The following PCDHGB3 variants were observed in gnomAD, a reference collection of about 807,000 sequenced individuals.
PCDHGB3 encodes protocadherin gamma subfamily B, 3, also known as protocadherin gamma-B3.
PCDHGB3 carries 40 observed loss-of-function variants against 59.2 expected under a neutral mutation model. The ratio of observed to expected loss-of-function variants is 0.68; its 90% CI spans 0.52 to 0.88. PCDHGB3 has a LOEUF of 0.88. Ranked by LOEUF, PCDHGB3 falls within the 40% of genes least tolerant of loss-of-function variation. The pLI is 0.00. For synonymous variants in PCDHGB3, 581 were observed against 503.6 expected, an observed-to-expected ratio of 1.15 and a Z score of -2.06; for missense variants, 1,309 against 1,187.9, an observed-to-expected ratio of 1.10 and a Z score of -1.50.
intron 1 of PCDHGB3, among the ~76,000 whole-genome samples, chr5:141,466,909 ACTC>A (rs1249720055): frequency 6.6e-6 from 1 of 151,110 alleles, no homozygotes; most frequent in Non-Finnish European, 1.5e-5. Flanking sequence ...GTTTTTGAAA[ACTC>A]CTTGTATTAG....
At position 141,486,038 on chromosome 5, in the gene PCDHGB3, G is replaced by T; in HGVS notation, c.2416-8769G>T. The stretch of plus-strand genomic sequence containing the variant: ...TTTCAGTGGTCATACCCCTGATCGT[G>T]TAAGAAACCTCTTTAGCCTGCACCC... On this transcript the variant is annotated intron_variant, in intron 1 of 3. Coordinates refer to ENST00000576222, the MANE Select transcript of PCDHGB3 (RefSeq NM_018924.5). This position sits in a 1 kb window ranked among gnomAD's most constrained non-coding sequence, Gnocchi z 5.0. The T allele has an allele frequency of 3.1e-6, 5 of 1,614,184 alleles. No individual in the cohort carries two copies. Among genetic ancestry groups the T allele is most frequent in the Non-Finnish European group, 4.2e-6 (5 of 1,180,018 alleles).
At chr5:141,409,745 T>G (rs968473065) in intron 1 of PCDHGB3, 9 of 1,613,074 alleles carry the variant, frequency 5.6e-6, no homozygotes, top group Non-Finnish European at 7.6e-6. Flanking sequence ...CGGGGTGGTG[T>G]TCGCGCAGCG....
intron 1 of PCDHGB3, among the ~76,000 whole-genome samples, chr5:141,435,150 C>G (rs1256233613): frequency 6.6e-6 from 1 of 152,006 alleles, no homozygotes; most frequent in Non-Finnish European, 1.5e-5. Context: ...TTGTGATAAA[C>G]TTTTGTAAAT....
Position 141,486,177 on chromosome 5 carries a change from G to A in PCDHGB3, c.2416-8630G>A. The A allele has an allele frequency of 6.2e-7, 1 of 1,614,222 alleles. No individual in the cohort carries two copies. Among genetic ancestry groups the A allele is most frequent in the Non-Finnish European group, 8.5e-7 (1 of 1,180,042 alleles). ...TCTCCAGCCATGGAGCAACATTGCA[G>A]CCTTCGAGTGGATCTGCTGGACGTA... On this transcript the variant is annotated intron_variant, in intron 1 of 3. Coordinates refer to ENST00000576222, the MANE Select transcript of PCDHGB3 (RefSeq NM_018924.5). The surrounding 1 kb of genome is among the most constrained non-coding windows in gnomAD (Gnocchi z 5.0).
At chr5:141,379,475 T>C (rs192049867) in intron 1 of PCDHGB3, 35 of 152,390 alleles carry the variant, frequency 2.3e-4, no homozygotes, top group African/African-American at 8.2e-4. Flanking sequence ...GTGTGAATGT[T>C]ATTTTACTAT....
chr5:141,389,429 G>A (rs201662463), intron 1 of PCDHGB3: 149 of 1,610,654 alleles, frequency 9.3e-5, no homozygotes, highest in Non-Finnish European at 8.6e-5. Context: ...TGTTCGCGCA[G>A]CGCGCCTTCG....
chr5:141,478,461 T>C, intron 1 of PCDHGB3: 1 of 1,613,254 alleles, frequency 6.2e-7, no homozygotes, highest in East Asian at 2.2e-5. Flanking sequence ...GCCAGTCCAC[T>C]GGCCAGCCGC....
At chr5:141,399,289 T>C (rs755445485) in intron 1 of PCDHGB3, 1 of 1,613,918 alleles carries the variant, frequency 6.2e-7, no homozygotes, top group Admixed American at 1.7e-5. Context: ...CGAAGTCCCT[T>C]TTAAGATTAT....
intron 2 of PCDHGB3, 143 bp from the exon 3 acceptor site, chr5:141,505,250 T>C: frequency 2.8e-6 from 4 of 1,439,476 alleles, no homozygotes; most frequent in Non-Finnish European, 9.3e-7. Flanking sequence ...ATTGTAGAAG[T>C]GCCTCCTACC....
Position 141,376,152 on chromosome 5 carries a change from C to G in PCDHGB3, c.2415+3343C>G, listed in dbSNP as rs376990625. 10 of 1,614,026 alleles carry G rather than the reference C, an allele frequency of 6.2e-6. No individual in the cohort carries two copies. In the African/African-American group the frequency reaches 1.3e-4, roughly 22 times the overall value. On this transcript the variant is annotated intron_variant, in intron 1 of 3. Transcript: ENST00000576222. ...GCCAAACCCAACGATTCGGACCTCACTCTGTACCTGGTGGTGGCGGTGGCC... is the reference window on the plus strand; with the variant it reads ...GCCAAACCCAACGATTCGGACCTCAGTCTGTACCTGGTGGTGGCGGTGGCC...
chr5:141,372,155 G>C lies in PCDHGB3; in HGVS notation c.1761G>C (p.Leu587=). The C allele has an allele frequency of 6.2e-7, 1 of 1,613,796 alleles. No individual in the cohort carries two copies. Among genetic ancestry groups the C allele is most frequent in the Non-Finnish European group, 8.5e-7 (1 of 1,179,938 alleles). ...MVPRSAEPGY[L]VTKVVAVDAD... ...CGCGCTCTGCAGAGCCTGGCTACCT[G>C]GTGACCAAGGTGGTGGCGGTGGACG... is the stretch of plus-strand genomic sequence containing the variant. Residue 587 remains leucine, a synonymous_variant, in exon 1 of 4, where the codon CTG becomes CTC. Coordinates refer to ENST00000576222, the MANE Select transcript of PCDHGB3 (RefSeq NM_018924.5).
intron 1 of PCDHGB3, among the ~76,000 whole-genome samples, chr5:141,466,613 C>T (rs772278295): frequency 1.2e-4 from 19 of 152,144 alleles, no homozygotes; most frequent in Non-Finnish European, 2.4e-4. Context: ...TGTAAACTGC[C>T]GTTTTCTTTG....
rs570029585 is a variant in PCDHGB3 at position 141,389,223 on chromosome 5, G to A, written c.2415+16414G>A. On this transcript the variant is annotated intron_variant, in intron 1 of 3. Coordinates refer to ENST00000576222, the MANE Select transcript of PCDHGB3 (RefSeq NM_018924.5). ...GCACATTGGTGATGTAAATGACAAC[G>A]CTCCGGTTTTCTCACAGTCTTCCTA... 5.0e-6 allele frequency: 8 copies of A among 1,613,994 alleles called. No homozygotes were observed. The African/African-American group carries it at 8.0e-5, about 16-fold the overall frequency.
chr5:141,481,900 C>T (rs949418188), intron 1 of PCDHGB3, among the ~76,000 whole-genome samples: 13 of 126,002 alleles, frequency 1.0e-4, no homozygotes, highest in African/African-American at 3.2e-4. Flanking sequence ...GGTGAAAGAG[C>T]GAAACTCCAT....
chr5:141,376,263 C>T (rs1348716434), intron 1 of PCDHGB3: 1 of 1,614,226 alleles, frequency 6.2e-7, no homozygotes, highest in South Asian at 1.1e-5. Flanking sequence ...CTGCTGCAGG[C>T]TTCGGGAGGT....
rs773688197 is a variant in PCDHGB3 at position 141,432,412 on chromosome 5, C to A, written c.2415+59603C>A. 2.5e-6 allele frequency: 4 copies of A among 1,614,128 alleles called. No homozygotes were observed. The Admixed American group carries it at 6.7e-5, about 27-fold the overall frequency. On this transcript the variant is annotated intron_variant, in intron 1 of 3. Transcript: ENST00000576222. The surrounding 1 kb of genome is among the most constrained non-coding windows in gnomAD (Gnocchi z 6.0). ...GCAGCAACGTGTCGTTGAGCCTGTT[C>A]GTGCTGGACCAGAACGACAATGCGC...
At chr5:141,389,332 G>A in intron 1 of PCDHGB3, 2 of 1,613,980 alleles carry the variant, frequency 1.2e-6, no homozygotes, top group Non-Finnish European at 8.5e-7. Context: ...GGGCCCAACG[G>A]CCAAGTCTCT....
At chr5:141,509,544 A>AT (rs1312201678) in intron 3 of PCDHGB3, among the ~76,000 whole-genome samples, 1 of 152,150 alleles carries the variant, frequency 6.6e-6, no homozygotes, top group Non-Finnish European at 1.5e-5. Context: ...GCACCATCTC[A>AT]TTTAGTCCTC....
intron 1 of PCDHGB3, among the ~76,000 whole-genome samples, chr5:141,382,424 A>G (rs1778195711): frequency 6.6e-6 from 1 of 152,232 alleles, no homozygotes; most frequent in Non-Finnish European, 1.5e-5. Flanking sequence ...TCAGTGCCCA[A>G]AAGAGTCACT....
Sources: gnomAD v4.1 joint callset for allele counts (sites outside exome capture counted in the v4.1 genomes callset) on GRCh38, gnomAD v4.1.1 for gene constraint, Gnocchi (gnomAD v3.1) non-coding constraint, MANE v1.5 for transcripts, NCBI Gene and HGNC (gene_info 2026-07-23, HGNC 2026-07-21) for gene names.